Variants in CDH18 observed in about 807,000 individuals in gnomAD.
The protein encoded by CDH18 is cadherin 18.
Under a neutral mutation model 67.9 loss-of-function variants are expected in CDH18, and 31 were observed. That is an observed-to-expected ratio of 0.46 (90% confidence interval 0.34 to 0.62). The LOEUF (loss-of-function observed/expected upper bound fraction) is 0.62, where lower values mean the gene tolerates loss of function less well. Among genes scored for constraint, CDH18 ranks in the 20% least tolerant of loss-of-function variants. CDH18 has a pLI of 0.01. For synonymous variants in CDH18, 362 were observed against 347.2 expected (o/e 1.04, Z -0.48); for missense variants, 890 against 975.5 (o/e 0.91, Z 1.17).
chr5:19,589,211 A>G (rs1744700845), intron 7 of CDH18, among the ~76,000 whole-genome samples: 2 of 152,204 alleles, frequency 1.3e-5, no homozygotes, highest in Non-Finnish European at 2.9e-5. Context: ...AGCCGAATCC[A>G]ATCAATGTTT....
At chr5:20,296,754 T>A (rs1747571477) in intron 1 of CDH18, among the ~76,000 whole-genome samples, 1 of 151,874 alleles carries the variant, frequency 6.6e-6, no homozygotes, top group Non-Finnish European at 1.5e-5. Flanking sequence ...ATACACATTT[T>A]AAATATTTTG....
At chr5:19,865,748 T>A (rs1785414385) in intron 2 of CDH18, among the ~76,000 whole-genome samples, 2 of 152,126 alleles carry the variant, frequency 1.3e-5, no homozygotes, top group Admixed American at 1.3e-4. Flanking sequence ...AAGAGGGCGG[T>A]TCCCTCCAAT....
intron 1 of CDH18, among the ~76,000 whole-genome samples, chr5:20,461,393 TA>T (rs1219562750): frequency 1.3e-5 from 2 of 152,154 alleles, no homozygotes; most frequent in Non-Finnish European, 2.9e-5. Context: ...ATGCTAAAAT[TA>T]AGTTGCCATG....
intron 2 of CDH18, among the ~76,000 whole-genome samples, chr5:20,245,742 A>C (rs971984533): frequency 6.6e-6 from 1 of 152,070 alleles, no homozygotes; most frequent in African/African-American, 2.4e-5. Flanking sequence ...TGCACAATAA[A>C]AACCTGTAGA....
At chr5:19,835,267 A>C (rs1781491532) in intron 3 of CDH18, among the ~76,000 whole-genome samples, 1 of 152,250 alleles carries the variant, frequency 6.6e-6, no homozygotes, top group Middle Eastern at 3.4e-3. Flanking sequence ...AAACTAACAC[A>C]GGAACAGAAA....
chr5:20,480,345 G>A (rs1175606198), intron 1 of CDH18, among the ~76,000 whole-genome samples: 1 of 152,132 alleles, frequency 6.6e-6, no homozygotes, highest in African/African-American at 2.4e-5. Flanking sequence ...TCAAGACATA[G>A]ACAGTATAAC....
intron 1 of CDH18, among the ~76,000 whole-genome samples, chr5:20,523,339 T>C (rs1755860112): frequency 6.6e-6 from 1 of 152,186 alleles, no homozygotes; most frequent in Non-Finnish European, 1.5e-5. Context: ...AAGCATGCTT[T>C]CGGGCATTGC....
intron 1 of CDH18, among the ~76,000 whole-genome samples, chr5:20,455,146 T>C (rs1304657988): frequency 3.3e-5 from 5 of 151,890 alleles, no homozygotes; most frequent in African/African-American, 4.8e-5. Flanking sequence ...GTAGGCTCAA[T>C]AAATATCCAG....
At chr5:19,676,076 T>C (rs753696004) in intron 5 of CDH18, among the ~76,000 whole-genome samples, 8 of 151,488 alleles carry the variant, frequency 5.3e-5, no homozygotes, top group Non-Finnish European at 1.0e-4. Context: ...AAAAGCAACA[T>C]GGACCAGGAT....
intron 2 of CDH18, among the ~76,000 whole-genome samples, chr5:19,997,970 C>A (rs1018065142): frequency 6.6e-6 from 1 of 151,996 alleles, no homozygotes; most frequent in Non-Finnish European, 1.5e-5. Flanking sequence ...TTCATAAAAC[C>A]TTGTATACAA....
chr5:20,113,592 T>C (rs1421290754), intron 2 of CDH18, among the ~76,000 whole-genome samples: 3 of 152,162 alleles, frequency 2.0e-5, no homozygotes, highest in Non-Finnish European at 4.4e-5. Flanking sequence ...TATCAAAGTA[T>C]TACAACAAAA....
At chr5:20,207,952 A>T (rs1051965912) in intron 2 of CDH18, among the ~76,000 whole-genome samples, 1 of 152,102 alleles carries the variant, frequency 6.6e-6, no homozygotes, top group South Asian at 2.1e-4. Context: ...ACCATCATAC[A>T]GGCATAAAAA....
chr5:19,730,191 T>C (rs1002078239), intron 4 of CDH18, among the ~76,000 whole-genome samples: 3 of 152,202 alleles, frequency 2.0e-5, no homozygotes, highest in Non-Finnish European at 2.9e-5. Context: ...GCTGCAGTGA[T>C]TGTTTCACAG....
At chr5:20,188,476 G>C (rs1246946302) in intron 2 of CDH18, among the ~76,000 whole-genome samples, 3 of 151,788 alleles carry the variant, frequency 2.0e-5, no homozygotes, top group Non-Finnish European at 4.4e-5. Flanking sequence ...TATTATAATT[G>C]TTGTCATCAT....
chr5:20,377,641 C>A (rs561817895), intron 1 of CDH18, among the ~76,000 whole-genome samples: 27 of 152,228 alleles, frequency 1.8e-4, no homozygotes, highest in South Asian at 1.2e-3. Context: ...GTACTGAAGA[C>A]AAGATGACGC....
intron 1 of CDH18, among the ~76,000 whole-genome samples, chr5:20,436,706 C>T (rs1436922891): frequency 2.0e-5 from 3 of 150,202 alleles, no homozygotes; most frequent in Non-Finnish European, 4.4e-5. Flanking sequence ...ATTTTTGATA[C>T]AAAATTCACA....
intron 2 of CDH18, among the ~76,000 whole-genome samples, chr5:19,878,715 T>A (rs1195709781): frequency 6.6e-6 from 1 of 152,052 alleles, no homozygotes; most frequent in Non-Finnish European, 1.5e-5. Flanking sequence ...GCAACTTAAC[T>A]ACAACTACAT....
At chr5:20,133,249 T>C (rs1406433782) in intron 2 of CDH18, among the ~76,000 whole-genome samples, 1 of 152,188 alleles carries the variant, frequency 6.6e-6, no homozygotes, top group Admixed American at 6.6e-5. Context: ...GTTAAATGGA[T>C]GCACAGTTCC....
intron 1 of CDH18, among the ~76,000 whole-genome samples, chr5:20,542,518 C>T (rs1037883298): frequency 6.6e-6 from 1 of 151,238 alleles, no homozygotes; most frequent in African/African-American, 2.4e-5. Flanking sequence ...TGTGCGTATG[C>T]ATATATATGC....
Sources: gnomAD v4.1 joint callset for allele counts (sites outside exome capture counted in the v4.1 genomes callset) on GRCh38, gnomAD v4.1.1 for gene constraint, MANE v1.5 for transcripts, NCBI Gene and HGNC (gene_info 2026-07-23, HGNC 2026-07-21) for gene names.